KCNG2: variants seen among roughly 807,000 people sequenced by gnomAD.
KCNG2 encodes the protein voltage-gated potassium channel regulatory subunit KCNG2.
Under a neutral mutation model 12.3 loss-of-function variants are expected in KCNG2, and 7 were observed. That is an observed-to-expected ratio of 0.57 (90% CI 0.32 to 1.07). The LOEUF (loss-of-function observed/expected upper bound fraction) is 1.07, where lower values mean the gene tolerates loss of function less well. KCNG2 is among the 50% of genes least tolerant of loss of function. The pLI, the probability that KCNG2 is intolerant of heterozygous loss-of-function variation, is 0.04. For missense variants in KCNG2, 703 were observed against 726.0 expected, an observed-to-expected ratio of 0.97 and a Z score of 0.36; for synonymous variants, 414 against 351.4, an observed-to-expected ratio of 1.18 and a Z score of -1.99.
At chr18:79,798,195 G>T (rs1350540681) in intron 1 of KCNG2, among the ~76,000 whole-genome samples, 181 bp downstream of exon 1, 1 of 146,932 alleles carries the variant, frequency 6.8e-6, no homozygotes, top group Non-Finnish European at 1.5e-5. Context: ...GAATCCCCCT[G>T]TTCGGGCCAA....
At position 79,800,932 on chromosome 18, in the gene KCNG2, C is replaced by T. The variant is rs1176819453; in HGVS notation, c.-115+2918C>T. On this transcript the variant is annotated intron_variant, in intron 1 of 3. Coordinates refer to ENST00000316249, the MANE Select transcript of KCNG2 (RefSeq NM_012283.2). The surrounding 1 kb of genome is among the most constrained non-coding windows in gnomAD (Gnocchi z 4.0). The stretch of plus-strand genomic sequence containing the variant: ...AAATCTTATCAACAGCAGGTTCAGC[C>T]TTTTCACGTGATGGGAGACCATGCC... 6.6e-6 allele frequency among the ~76,000 whole-genome samples: 1 copy of T among 152,246 alleles called. No individual in the cohort carries two copies. Among genetic ancestry groups the T allele is most frequent in the Non-Finnish European group, 1.5e-5 (1 of 68,038 alleles).
intron 1 of KCNG2, among the ~76,000 whole-genome samples, chr18:79,809,616 A>C (rs2087478548): frequency 6.7e-6 from 1 of 148,652 alleles, no homozygotes; most frequent in East Asian, 2.0e-4. Flanking sequence ...ACGGTCCCAG[A>C]GTCCTCGCCC....
chr18:79,874,574 G>A (rs1466500215), intron 3 of KCNG2, among the ~76,000 whole-genome samples: 1 of 152,242 alleles, frequency 6.6e-6, no homozygotes, highest in Non-Finnish European at 1.5e-5. Context: ...AAAGCGGGGG[G>A]CCCACCCCAG....
At chr18:79,854,070 C>G (rs1315787188) in intron 1 of KCNG2, among the ~76,000 whole-genome samples, 2 of 152,260 alleles carry the variant, frequency 1.3e-5, no homozygotes, top group African/African-American at 4.8e-5. Context: ...GCAGGCGGCC[C>G]CTGGGGAGCA....
intron 1 of KCNG2, among the ~76,000 whole-genome samples, chr18:79,805,210 G>A (rs149812258): frequency 3.1e-4 from 47 of 152,324 alleles, no homozygotes; most frequent in African/African-American, 6.5e-4. Flanking sequence ...ATGCCAGGTC[G>A]TTTCTCGGGA....
chr18:79,805,427 C>T (rs1186682585), intron 1 of KCNG2, among the ~76,000 whole-genome samples: 1 of 152,252 alleles, frequency 6.6e-6, no homozygotes, highest in Non-Finnish European at 1.5e-5. Flanking sequence ...TTCCTCCAGA[C>T]TTGGGCCCTG....
Position 79,899,271 on chromosome 18 carries a change from GTGC to G in KCNG2, c.860_862del (p.Leu287del), listed in dbSNP as rs1173633571. The G allele has an allele frequency of 6.3e-7, 1 of 1,582,268 alleles. No individual in the cohort carries two copies. Among genetic ancestry groups the G allele is most frequent in the Non-Finnish European group, 8.5e-7 (1 of 1,171,938 alleles). ...CAAGCTCCTGGAGCGCGCGGGGCTG[GTGC>G]TGCGGCTGCTGCGTGCGCTGCGCGT... On this transcript the variant is annotated inframe_deletion, in exon 4 of 4. Coordinates refer to ENST00000316249, the MANE Select transcript of KCNG2 (RefSeq NM_012283.2).
chr18:79,820,712 G>A (rs7241572), intron 1 of KCNG2, among the ~76,000 whole-genome samples: 27,380 of 152,162 alleles, frequency 0.18, 2,511 homozygotes, highest in Middle Eastern at 0.2. Context: ...CCAAGCTGGA[G>A]TGCAGAGGTG....
intron 3 of KCNG2, among the ~76,000 whole-genome samples, chr18:79,890,604 A>G (rs1980711297): frequency 6.6e-6 from 1 of 152,174 alleles, no homozygotes; most frequent in Admixed American, 6.5e-5. Context: ...TTTGCTTAGG[A>G]TAATAGCCTC....
At chr18:79,805,345 AAC>A (rs2087441036) in intron 1 of KCNG2, among the ~76,000 whole-genome samples, 1 of 152,198 alleles carries the variant, frequency 6.6e-6, no homozygotes, top group African/African-American at 2.4e-5. Flanking sequence ...GTCATTAGGA[AAC>A]ACACGCGTGG....
chr18:79,897,708 G>A (rs1294860887), intron 3 of KCNG2, among the ~76,000 whole-genome samples: 2 of 151,798 alleles, frequency 1.3e-5, no homozygotes, highest in East Asian at 3.9e-4. Context: ...CCTTTTGGTA[G>A]TCCCCATCCT....
intron 1 of KCNG2, among the ~76,000 whole-genome samples, chr18:79,816,828 A>G (rs2087532146): frequency 6.6e-6 from 1 of 152,226 alleles, no homozygotes; most frequent in Non-Finnish European, 1.5e-5. Context: ...ACCAGACACA[A>G]CAGGTCACAA....
At chr18:79,833,970 A>C (rs1015211470) in intron 1 of KCNG2, among the ~76,000 whole-genome samples, 3 of 152,236 alleles carry the variant, frequency 2.0e-5, no homozygotes, top group Non-Finnish European at 4.4e-5. Context: ...ACAGCTCCTG[A>C]GACAGGGCAG....
chr18:79,870,893 T>A (rs898925925), intron 3 of KCNG2, among the ~76,000 whole-genome samples: 2 of 152,220 alleles, frequency 1.3e-5, no homozygotes, highest in African/African-American at 2.4e-5. Flanking sequence ...GTTGTGTTGA[T>A]CAGGGTTCTC....
intron 1 of KCNG2, among the ~76,000 whole-genome samples, chr18:79,808,121 G>A (rs1431723113): frequency 5.9e-5 from 6 of 102,218 alleles, no homozygotes; most frequent in African/African-American, 1.7e-4. Context: ...CCCAGAGTCC[G>A]CGCTCTGAGG....
intron 3 of KCNG2, among the ~76,000 whole-genome samples, chr18:79,892,306 T>C (rs1022576093): frequency 6.6e-6 from 1 of 152,152 alleles, no homozygotes; most frequent in African/African-American, 2.4e-5. Context: ...TTATCTCTAA[T>C]AATATTTTTT....
At chr18:79,866,819 C>T (rs141290944) in intron 3 of KCNG2, among the ~76,000 whole-genome samples, 170 of 16,046 alleles carry the variant, frequency 0.011, no homozygotes, top group African/African-American at 0.014. Context: ...TGTCTGTGTG[C>T]TGAGAGGTCT....
At position 79,892,113 on chromosome 18, in the gene KCNG2, TA is replaced by T. The variant is rs35997999; in HGVS notation, c.625-6909del. 6.2e-3 allele frequency among the ~76,000 whole-genome samples: 772 copies of T among 123,630 alleles called. 3 individuals carry two copies. The highest frequency in any genetic ancestry group is 7.9e-3 in the South Asian group (26 of 3,290). The allele number at this position is 123,630 out of a possible 152,430, so 81.1% of individuals were successfully genotyped here. On this transcript the variant is annotated intron_variant, in intron 3 of 3. Transcript: ENST00000316249. ...CTGGATGACAGAGCAAGACTCCGTC[TA>T]AAAAAAAAAAAAAAAAACAACACAG...
At chr18:79,838,368 G>A (rs1978364280) in intron 1 of KCNG2, among the ~76,000 whole-genome samples, 2 of 151,480 alleles carry the variant, frequency 1.3e-5, no homozygotes, top group Admixed American at 1.3e-4. Flanking sequence ...TTCAAACACT[G>A]GAAATTTAAA....
Sources: allele counts gnomAD v4.1 joint callset (sites outside exome capture counted in the v4.1 genomes callset), GRCh38; gene constraint gnomAD v4.1.1; non-coding constraint Gnocchi (gnomAD v3.1); transcripts MANE v1.5; gene names NCBI Gene and HGNC (gene_info 2026-07-23, HGNC 2026-07-21).